Variants in PLA2G4A observed in about 807,000 individuals in gnomAD.
The protein encoded by PLA2G4A is cytosolic phospholipase A2.
PLA2G4A carries 40 observed loss-of-function variants against 81.9 expected under a neutral mutation model. The observed-to-expected ratio is 0.49, with a 90% CI of 0.38 to 0.64. The LOEUF (loss-of-function observed/expected upper bound fraction) is 0.64. Ranked by LOEUF, PLA2G4A falls within the 30% of genes least tolerant of loss-of-function variation. The probability of loss-of-function intolerance (pLI) is 0.00; values close to 1 mark genes in which losing one functional copy is unlikely to be tolerated. For synonymous variants in PLA2G4A, 302 were observed against 296.9 expected (o/e 1.02, Z -0.18); for missense variants, 715 against 905.1 (o/e 0.79, Z 2.69).
intron 7 of PLA2G4A, among the ~76,000 whole-genome samples, chr1:186,927,892 T>C (rs920271047): frequency 3.3e-5 from 5 of 152,212 alleles, no homozygotes; most frequent in East Asian, 3.9e-4. Flanking sequence ...ATCGAGAATA[T>C]TTCCTCGCCT....
intron 13 of PLA2G4A, among the ~76,000 whole-genome samples, chr1:186,952,659 T>C (rs1557889533): frequency 2.0e-5 from 3 of 152,198 alleles, no homozygotes; most frequent in Admixed American, 2.0e-4. Context: ...TTCATCATTA[T>C]ACATGTCACA....
chr1:186,952,495 C>A (rs1300151548), intron 13 of PLA2G4A, among the ~76,000 whole-genome samples: 1 of 152,140 alleles, frequency 6.6e-6, no homozygotes, highest in Non-Finnish European at 1.5e-5. Context: ...CCACCCCTGC[C>A]TCTCCCACTA....
chr1:186,883,451 A>T (rs1476746817), intron 3 of PLA2G4A, among the ~76,000 whole-genome samples: 1 of 152,126 alleles, frequency 6.6e-6, no homozygotes, highest in African/African-American at 2.4e-5. Flanking sequence ...CAATTAATGC[A>T]TGTCATGTGA....
intron 7 of PLA2G4A, among the ~76,000 whole-genome samples, chr1:186,920,062 C>T (rs1445452301): frequency 6.6e-6 from 1 of 152,184 alleles, no homozygotes; most frequent in Admixed American, 6.5e-5. Flanking sequence ...GACCGCCAGT[C>T]CCGGAGGATT....
chr1:186,842,496 T>C (rs1652024549), intron 1 of PLA2G4A, among the ~76,000 whole-genome samples: 1 of 152,196 alleles, frequency 6.6e-6, no homozygotes, highest in Non-Finnish European at 1.5e-5. Flanking sequence ...ATATGCCCCC[T>C]CCAAATGCAT....
chr1:186,894,148 A>G lies in PLA2G4A; in HGVS notation c.315A>G (p.Ala105=). 6.5e-7 allele frequency: 1 copy of G among 1,530,822 alleles called. No individual in the cohort carries two copies. The highest frequency in any genetic ancestry group is 1.1e-5 in the South Asian group (1 of 89,392). The allele number at this position is 1,530,822 out of a possible 1,614,324, so 94.8% of individuals were successfully genotyped here. A position where few individuals can be genotyped will look rare whatever the true frequency, so the allele number is the denominator to read the frequency against. The change falls in exon 5 of 18, where the codon GCA becomes GCG. Residue 105 remains alanine (A), a synonymous_variant. Transcript: ENST00000367466. ...NYVMDETLGT[A]TFTVSSMKVG... ...TCATGGATGAAACTCTAGGGACAGC[A>G]ACATTTACTGTATCTTCTATGAAGG...
intron 3 of PLA2G4A, among the ~76,000 whole-genome samples, chr1:186,886,702 T>C (rs1359027494): frequency 6.6e-6 from 1 of 152,186 alleles, no homozygotes; most frequent in Admixed American, 6.6e-5. Context: ...CTTAATTTAT[T>C]CTTGCATTTA....
chr1:186,934,018 A>T (rs1324849818), intron 8 of PLA2G4A, among the ~76,000 whole-genome samples: 1 of 152,044 alleles, frequency 6.6e-6, no homozygotes, highest in Non-Finnish European at 1.5e-5. Flanking sequence ...CTCTATATGT[A>T]CCCTCAAAAT....
chr1:186,897,617 C>T (rs1279396597), intron 5 of PLA2G4A, among the ~76,000 whole-genome samples: 1 of 152,006 alleles, frequency 6.6e-6, no homozygotes, highest in Non-Finnish European at 1.5e-5. Flanking sequence ...CAAGCCATTC[C>T]CGTGTCTCAG....
intron 7 of PLA2G4A, among the ~76,000 whole-genome samples, chr1:186,913,308 T>G (rs539466970): frequency 7.2e-4 from 110 of 152,104 alleles, no homozygotes; most frequent in African/African-American, 2.6e-3. Flanking sequence ...AATTATAGTT[T>G]TTTTCTTTCC....
chr1:186,891,145 T>TTC (rs1654122734), intron 3 of PLA2G4A, among the ~76,000 whole-genome samples: 1 of 152,184 alleles, frequency 6.6e-6, no homozygotes, highest in South Asian at 2.1e-4. Context: ...TTTTCTTTTT[T>TTC]ACTTTTTACT....
intron 15 of PLA2G4A, among the ~76,000 whole-genome samples, chr1:186,972,961 C>T (rs1362344082): frequency 2.0e-4 from 31 of 152,186 alleles, no homozygotes; most frequent in Admixed American, 2.0e-3. Flanking sequence ...ATATTATTCA[C>T]TTATAATGCT....
chr1:186,886,592 C>T (rs1653946069), intron 3 of PLA2G4A, among the ~76,000 whole-genome samples: 2 of 152,164 alleles, frequency 1.3e-5, no homozygotes, highest in South Asian at 2.1e-4. Flanking sequence ...TTTGGTCTTA[C>T]TTCTTCTCGT....
intron 7 of PLA2G4A, among the ~76,000 whole-genome samples, chr1:186,920,689 T>A (rs552989098): frequency 6.6e-6 from 1 of 152,314 alleles, no homozygotes; most frequent in South Asian, 2.1e-4. Flanking sequence ...CAAGCGTGGG[T>A]GATTAGACTG....
intron 13 of PLA2G4A, among the ~76,000 whole-genome samples, chr1:186,953,318 T>C (rs1656628909): frequency 6.6e-6 from 1 of 152,218 alleles, no homozygotes; most frequent in East Asian, 1.9e-4. Context: ...CAAATGACAT[T>C]TAACTTGAAG....
At chr1:186,925,981 C>T (rs1311062216) in intron 7 of PLA2G4A, among the ~76,000 whole-genome samples, 1 of 152,148 alleles carries the variant, frequency 6.6e-6, no homozygotes, top group Non-Finnish European at 1.5e-5. Context: ...GCATTGCATG[C>T]ATGGAGTAAA....
At chr1:186,912,852 T>C (rs966913475) in intron 7 of PLA2G4A, among the ~76,000 whole-genome samples, 10 of 146,638 alleles carry the variant, frequency 6.8e-5, no homozygotes, top group African/African-American at 2.5e-4. Context: ...TGTATTTGTA[T>C]ATAATATATA....
chr1:186,856,968 A>G (rs1652575136), intron 2 of PLA2G4A, among the ~76,000 whole-genome samples: 1 of 148,106 alleles, frequency 6.8e-6, no homozygotes, highest in Admixed American at 7.0e-5. Context: ...ACATTTCAAA[A>G]AATATGATTA....
In PLA2G4A at chr1:186,956,496, G is replaced by GT. The variant is rs974792615; in HGVS notation, c.1579+162dup. ...GTGTGAAGGGCTTCAAATGACTAGGGTTTTTTTTTTGTTGTTGTTTGTTTG... is the reference window on the plus strand; with the variant it reads ...GTGTGAAGGGCTTCAAATGACTAGGGTTTTTTTTTTTGTTGTTGTTTGTTTG... On this transcript the variant is annotated intron_variant, in intron 14 of 17. Coordinates refer to ENST00000367466, the MANE Select transcript of PLA2G4A (RefSeq NM_024420.3). 7.1e-4 allele frequency: 553 copies of GT among 776,856 alleles called. 1 individual carries two copies. The highest frequency in any genetic ancestry group is 5.8e-4 in the Non-Finnish European group (264 of 457,082). The allele number at this position is 776,856 out of a possible 1,614,324, so 48.1% of individuals were successfully genotyped here. A position where few individuals can be genotyped will look rare whatever the true frequency, so the allele number is the denominator to read the frequency against.
Sources: allele counts gnomAD v4.1 joint callset (sites outside exome capture counted in the v4.1 genomes callset), GRCh38; gene constraint gnomAD v4.1.1; transcripts MANE v1.5; gene names NCBI Gene and HGNC (gene_info 2026-07-23, HGNC 2026-07-21).